CHD2: variants seen among roughly 807,000 people sequenced by gnomAD.
CHD2 encodes the protein ATP-dependent chromatin remodeler CHD2.
A neutral mutation model predicts 243.9 loss-of-function variants in CHD2; 28 were observed. That is an observed-to-expected ratio of 0.11 (90% confidence interval 0.09 to 0.16). The LOEUF (loss-of-function observed/expected upper bound fraction) is 0.16, where lower values mean the gene tolerates loss of function less well. CHD2 is among the 10% of genes least tolerant of loss of function. The pLI is 1.00. For synonymous variants in CHD2, 775 were observed against 779.0 expected (o/e 0.99, Z 0.09); for missense variants, 1,386 against 2,209.8 (o/e 0.63, Z 7.47).
chr15:92,945,685 A>T, intron 10 of CHD2, 136 bp from the exon 11 acceptor site: 1 of 520,194 alleles, frequency 1.9e-6, no homozygotes. Flanking sequence ...GGCGTGAGCC[A>T]CTATAATCCC....
intron 35 of CHD2, among the ~76,000 whole-genome samples, chr15:93,011,602 C>G (rs1249594234): frequency 2.0e-5 from 3 of 152,156 alleles, no homozygotes; most frequent in Non-Finnish European, 2.9e-5. Context: ...CAGCAGCAAG[C>G]CATGGTGAAA....
intron 16 of CHD2, 92 bp from the exon 17 acceptor site, chr15:92,967,233 C>T: frequency 4.4e-6 from 4 of 907,108 alleles, no homozygotes; most frequent in Admixed American, 3.0e-5. Flanking sequence ...TAATGTCTTT[C>T]CTTATGGGAA....
intron 7 of CHD2, 30 bp downstream of exon 7, chr15:92,939,748 G>A (rs748094049): frequency 9.4e-6 from 15 of 1,602,884 alleles, no homozygotes; most frequent in Non-Finnish European, 1.3e-5. Flanking sequence ...TGTTTCACTG[G>A]TGTGATGTGA....
intron 34 of CHD2, 82 bp downstream of exon 34, chr15:93,004,833 C>T (rs1596452207): frequency 6.9e-7 from 1 of 1,447,538 alleles, no homozygotes; most frequent in Non-Finnish European, 9.4e-7. Context: ...CCAGCCAGAG[C>T]TTCAGTTGAG....
chr15:92,933,642 C>A (rs947031971), intron 5 of CHD2, among the ~76,000 whole-genome samples: 6 of 152,136 alleles, frequency 3.9e-5, no homozygotes, highest in African/African-American at 9.7e-5. Flanking sequence ...TTTATTCTTA[C>A]CAGGTGGGAG....
intron 3 of CHD2, among the ~76,000 whole-genome samples, chr15:92,925,380 A>G (rs532619818): frequency 1.8e-4 from 28 of 152,236 alleles, no homozygotes; most frequent in Non-Finnish European, 3.2e-4. Context: ...GTTGACTTAG[A>G]TATCGGCTCT....
intron 2 of CHD2, chr15:92,904,804 G>A (rs2052589108): frequency 1.4e-6 from 2 of 1,480,714 alleles, no homozygotes; most frequent in Admixed American, 2.3e-5. Flanking sequence ...GAAGAGATGA[G>A]TGGGTTTAAT....
chr15:92,928,319 C>T (rs972197909), intron 4 of CHD2, among the ~76,000 whole-genome samples: 1 of 152,146 alleles, frequency 6.6e-6, no homozygotes, highest in Non-Finnish European at 1.5e-5. Flanking sequence ...GAAATCTTTC[C>T]CTCTTTTACA....
chr15:92,931,096 G>C (rs568641533), intron 5 of CHD2, among the ~76,000 whole-genome samples: 2 of 152,272 alleles, frequency 1.3e-5, no homozygotes, highest in Admixed American at 1.3e-4. Context: ...GATCCAAGCT[G>C]AGCAAGTGTA....
chr15:92,965,883 A>T (rs1206196718), intron 16 of CHD2, among the ~76,000 whole-genome samples: 1 of 152,102 alleles, frequency 6.6e-6, no homozygotes, highest in Non-Finnish European at 1.5e-5. Context: ...GTAAAGTTTT[A>T]ATTTATTATA....
At chr15:93,009,452 A>G (rs1000587722) in intron 35 of CHD2, 129 bp downstream of exon 35, 23 of 856,396 alleles carry the variant, frequency 2.7e-5, no homozygotes, top group East Asian at 1.6e-4. Context: ...TCTATTGGCA[A>G]TATACCTGCA....
intron 37 of CHD2, among the ~76,000 whole-genome samples, chr15:93,019,494 A>G (rs1460928867): frequency 6.6e-6 from 1 of 152,224 alleles, no homozygotes; most frequent in East Asian, 1.9e-4. Flanking sequence ...GCCAGCAGCA[A>G]CAAGACCAAG....
intron 36 of CHD2, 132 bp downstream of exon 36, chr15:93,012,576 T>C (rs1472912149): frequency 1.7e-6 from 1 of 584,288 alleles, no homozygotes; most frequent in African/African-American, 1.9e-5. Flanking sequence ...AGTCAAACAA[T>C]AAGACCAGAT....
intron 34 of CHD2, among the ~76,000 whole-genome samples, chr15:93,007,820 T>C (rs531212681): frequency 6.6e-6 from 1 of 152,392 alleles, no homozygotes; most frequent in Non-Finnish European, 1.5e-5. Flanking sequence ...CTCTACTTTC[T>C]GGGAGATTGC....
chr15:92,956,153 A>C (rs193242765), intron 15 of CHD2, among the ~76,000 whole-genome samples: 20 of 152,244 alleles, frequency 1.3e-4, no homozygotes, highest in African/African-American at 3.9e-4. Context: ...ATACAGAATC[A>C]TATGGTTTTT....
intron 17 of CHD2, among the ~76,000 whole-genome samples, chr15:92,971,482 G>C (rs1419260480): frequency 6.6e-6 from 1 of 152,184 alleles, no homozygotes; most frequent in African/African-American, 2.4e-5. Context: ...AAGCATATGT[G>C]TGTGTTGTGT....
At chr15:92,988,291 G>C (rs1596440502) in intron 26 of CHD2, among the ~76,000 whole-genome samples, 1 of 152,148 alleles carries the variant, frequency 6.6e-6, no homozygotes, top group East Asian at 1.9e-4. Context: ...CACCATGTTG[G>C]CCAGGCTGGT....
rs1288178760 is a variant in CHD2, at chr15:93,014,763, G to C, written c.4760G>C (p.Ser1587Thr). ...KPFRPEASGS[S>T]RDSLISQSHT... ...TTTCGTCCAGAGGCCTCAGGCTCCA[G>C]CCGGGACTCTCTGATATCTCAGTCC... The change falls in exon 37 of 39, where the codon AGC becomes ACC. Residue 1587 changes from serine to threonine, a missense_variant. By Grantham distance (58) the Ser-to-Thr change is moderately conservative. Coordinates refer to ENST00000394196, the MANE Select transcript of CHD2 (RefSeq NM_001271.4). 6.2e-7 allele frequency: 1 copy of C among 1,614,022 alleles called. No individual in the cohort carries two copies. Among genetic ancestry groups the C allele is most frequent in the East Asian group, 2.2e-5 (1 of 44,892 alleles).
At chr15:92,973,946 C>T (rs917233126) in intron 19 of CHD2, 4 of 152,172 alleles carry the variant, frequency 2.6e-5, no homozygotes, top group African/African-American at 9.7e-5. Flanking sequence ...TAAGGGACTC[C>T]TCACCTGTCA....
Sources: gnomAD v4.1 joint callset for allele counts (sites outside exome capture counted in the v4.1 genomes callset) on GRCh38, gnomAD v4.1.1 for gene constraint, MANE v1.5 for transcripts, NCBI Gene and HGNC (gene_info 2026-07-23, HGNC 2026-07-21) for gene names.